Variants in IFT140 observed in about 807,000 individuals in gnomAD.
IFT140 encodes the protein intraflagellar transport 140.
In IFT140, 133 loss-of-function variants were observed where a neutral mutation model predicts 164.6. The observed-to-expected ratio is 0.81, with a 90% CI of 0.70 to 0.93. The LOEUF (loss-of-function observed/expected upper bound fraction) is 0.93. Ranked by LOEUF, IFT140 falls within the 40% of genes least tolerant of loss-of-function variation. IFT140 has a pLI of 0.00. For missense variants in IFT140, 2,045 were observed against 1,972.3 expected (o/e 1.04, Z -0.70); for synonymous variants, 860 against 817.3 (o/e 1.05, Z -0.89).
intron 13 of IFT140, chr16:1,577,907 A>C (rs561799523): frequency 1.3e-5 from 2 of 152,192 alleles, no homozygotes; most frequent in Non-Finnish European, 2.9e-5. Context: ...AGATGCCCAC[A>C]TGCAATGGGA....
rs546142576 is a variant in IFT140 at position 1,545,394 on chromosome 16, G to A, written c.2399+12541C>T. Reference sequence around the variant, plus strand: ...TCAGTGTCCAACCATCACCCCTAACGGGTCTGTTTTGCCCAAAAAGGAAAT... The same window carrying A: ...TCAGTGTCCAACCATCACCCCTAACAGGTCTGTTTTGCCCAAAAAGGAAAT... On this transcript the variant is annotated intron_variant, in intron 19 of 30. Coordinates refer to ENST00000426508, the MANE Select transcript of IFT140 (RefSeq NM_014714.4). 3.3e-5 allele frequency among the ~76,000 whole-genome samples: 5 copies of A among 152,310 alleles called. No homozygotes were observed. In the East Asian group the frequency reaches 5.8e-4, roughly 18 times the overall value.
chr16:1,520,912 C>T lies in IFT140; in HGVS notation c.3454-104G>A, dbSNP rs2040508158. 7.3e-6 allele frequency: 8 copies of T among 1,098,052 alleles called. No individual in the cohort carries two copies. The South Asian group carries it at 1.2e-4, about 17-fold the overall frequency. 68.0% of individuals were successfully genotyped at this position (1,098,052 alleles called of 1,614,324 possible). ...GAGGAAACCAGGCCCCTCGGCTCAG[C>T]GGCGGCTTCTGTCTAGCTGGGGTGG... On this transcript the variant is annotated intron_variant, in intron 26 of 30. Transcript: ENST00000426508.
intron 19 of IFT140, among the ~76,000 whole-genome samples, chr16:1,554,401 G>GC (rs888303871): frequency 1.3e-5 from 2 of 152,270 alleles, no homozygotes; most frequent in East Asian, 1.9e-4. Flanking sequence ...GCTAGGAAAG[G>GC]CCCCCCCAAG....
Position 1,555,030 on chromosome 16 carries a change from GC to G in IFT140, c.2399+2904del. 1.9e-6 allele frequency: 3 copies of G among 1,604,458 alleles called. No individual in the cohort carries two copies. In the East Asian group the frequency reaches 6.7e-5, roughly 36 times the overall value. On this transcript the variant is annotated intron_variant, in intron 19 of 30. Transcript: ENST00000426508. ...CTACGTGGAGTCACCATGCTGAGTC[GC>G]CCTTCTCAGCGCTCCATCAACGCAC...
At position 1,602,355 on chromosome 16, in the gene IFT140, C is replaced by T. The variant is rs751266892; in HGVS notation, c.369+15G>A. On this transcript the variant is annotated intron_variant, in intron 4 of 30. Transcript: ENST00000426508. The stretch of plus-strand genomic sequence containing the variant: ...GTCAAGGTCTGAAAACAGCGTCTTG[C>T]GCGTGTTGACTCACCCTGTCCCCAG... The T allele has an allele frequency of 1.7e-5, 28 of 1,607,686 alleles. No individual in the cohort carries two copies. The East Asian group carries it at 3.1e-4, about 18-fold the overall frequency.
Position 1,545,532 on chromosome 16 carries a change from G to A in IFT140, c.2399+12403C>T, listed in dbSNP as rs181438039. ...GAGTCGGGTTTTTTTTCCTGTACTC[G>A]CGTCTGTTTTAAACAGTCAGGGAGA... On this transcript the variant is annotated intron_variant, in intron 19 of 30. Transcript: ENST00000426508. Among the ~76,000 whole-genome samples, 49 of 152,074 alleles carry A rather than the reference G, an allele frequency of 3.2e-4. 1 individual carries two copies. In the East Asian group the frequency reaches 9.3e-3, roughly 29 times the overall value.
At chr16:1,582,354 G>C (rs1282740511) in intron 12 of IFT140, among the ~76,000 whole-genome samples, 2 of 152,184 alleles carry the variant, frequency 1.3e-5, no homozygotes, top group Non-Finnish European at 2.9e-5. Flanking sequence ...CTGGAGGTTT[G>C]TGACCACAAG....
At chr16:1,608,431 C>A (rs958592681) in intron 2 of IFT140, among the ~76,000 whole-genome samples, 2 of 151,742 alleles carry the variant, frequency 1.3e-5, no homozygotes, top group Non-Finnish European at 2.9e-5. Context: ...GAGTTCGAGA[C>A]CAGCCTGGGC....
chr16:1,564,276 C>T lies in IFT140; in HGVS notation c.1902-114G>A, dbSNP rs111737387. On this transcript the variant is annotated intron_variant, in intron 16 of 30. Coordinates refer to ENST00000426508, the MANE Select transcript of IFT140 (RefSeq NM_014714.4). This position sits in a 1 kb window ranked among gnomAD's most constrained non-coding sequence, Gnocchi z 5.5. Reference sequence around the variant, plus strand: ...GTGCTGTCCCAGACCATGGTGTCCACGCGCTCAGCTCTGGGAGAACTTTTG... The same window carrying T: ...GTGCTGTCCCAGACCATGGTGTCCATGCGCTCAGCTCTGGGAGAACTTTTG... The T allele has an allele frequency of 1.3e-5, 11 of 823,292 alleles. No homozygotes were observed. The highest frequency in any genetic ancestry group is 5.7e-5 in the South Asian group (2 of 35,310). The allele number at this position is 823,292 out of a possible 1,614,324, so 51.0% of individuals were successfully genotyped here.
At chr16:1,525,141 C>G in intron 22 of IFT140, 90 bp downstream of exon 22, 1 of 1,252,194 alleles carries the variant, frequency 8.0e-7, no homozygotes, top group South Asian at 1.2e-5. Flanking sequence ...GCAGGAAGCA[C>G]GGGAAAGGGA....
chr16:1,530,628 A>T (rs2030367391), intron 19 of IFT140: 1 of 150,670 alleles, frequency 6.6e-6, no homozygotes, highest in Non-Finnish European at 1.5e-5. Context: ...GGAATGTGGC[A>T]GCTGACTTGG....
chr16:1,540,911 G>C, intron 19 of IFT140: 6 of 985,440 alleles, frequency 6.1e-6, no homozygotes, highest in Non-Finnish European at 7.2e-6. Flanking sequence ...CAGGCTGAGT[G>C]TCTGTCAGCA....
rs934068761 is a variant in IFT140, at chr16:1,551,302, A to G, written c.2399+6633T>C. ...ACGGCTGGCAGGGGTGGGCAGGTGCAACTCTAAGCCGAGGCCCGAAGGATC... is the reference window on the plus strand; with the variant it reads ...ACGGCTGGCAGGGGTGGGCAGGTGCGACTCTAAGCCGAGGCCCGAAGGATC... On this transcript the variant is annotated intron_variant, in intron 19 of 30. Transcript: ENST00000426508. The surrounding 1 kb of genome is among the most constrained non-coding windows in gnomAD (Gnocchi z 4.0). Among the ~76,000 whole-genome samples, 1 of 152,088 alleles carries G rather than the reference A, an allele frequency of 6.6e-6. No homozygotes were observed. The highest frequency in any genetic ancestry group is 6.5e-5 in the Admixed American group (1 of 15,280).
chr16:1,597,168 G>T (rs569678981), intron 4 of IFT140, among the ~76,000 whole-genome samples: 1 of 152,286 alleles, frequency 6.6e-6, no homozygotes, highest in South Asian at 2.1e-4. Context: ...TCAGGTGAGG[G>T]TTTACTTGAC....
At chr16:1,591,699 G>A (rs985095821) in intron 6 of IFT140, among the ~76,000 whole-genome samples, 4 of 152,136 alleles carry the variant, frequency 2.6e-5, no homozygotes, top group African/African-American at 9.7e-5. Context: ...CCAGCCACAC[G>A]GTGTCCAGCG....
chr16:1,541,543 C>G (rs1397952768), intron 19 of IFT140: 4 of 980,544 alleles, frequency 4.1e-6, no homozygotes, highest in Non-Finnish European at 4.8e-6. Flanking sequence ...ACAGGGAAGC[C>G]GGTGTTGCTG....
intron 7 of IFT140, among the ~76,000 whole-genome samples, chr16:1,588,257 G>T (rs887335738): frequency 6.6e-6 from 1 of 152,180 alleles, no homozygotes; most frequent in African/African-American, 2.4e-5. Flanking sequence ...CGGCCGCAGT[G>T]GCTCATGCCT....
Position 1,551,172 on chromosome 16 carries a change from T to G in IFT140, c.2399+6763A>C, listed in dbSNP as rs1462549040. Among the ~76,000 whole-genome samples, 1 of 152,250 alleles carries G rather than the reference T, an allele frequency of 6.6e-6. No individual in the cohort carries two copies. Among genetic ancestry groups the G allele is most frequent in the East Asian group, 1.9e-4 (1 of 5,194 alleles). On this transcript the variant is annotated intron_variant, in intron 19 of 30. Transcript: ENST00000426508. This position sits in a 1 kb window ranked among gnomAD's most constrained non-coding sequence, Gnocchi z 4.0. ...CTCAAAAAGTAATTGCGGAGAGACT[T>G]CTGGGAAGCTGTGGTCAATGGTGGG...
intron 30 of IFT140, among the ~76,000 whole-genome samples, chr16:1,515,094 T>C (rs2040300047): frequency 6.6e-6 from 1 of 152,124 alleles, no homozygotes; most frequent in African/African-American, 2.4e-5. Flanking sequence ...AATGTGTGTC[T>C]ACTAGATATG....
Sources: allele counts gnomAD v4.1 joint callset (sites outside exome capture counted in the v4.1 genomes callset), GRCh38; gene constraint gnomAD v4.1.1; non-coding constraint Gnocchi (gnomAD v3.1); transcripts MANE v1.5; gene names NCBI Gene and HGNC (gene_info 2026-07-23, HGNC 2026-07-21).